The following FAT2 variants were observed in gnomAD, a reference collection of about 807,000 sequenced individuals.
FAT2 encodes the protein protocadherin Fat 2.
In FAT2, 150 loss-of-function variants were observed where a neutral mutation model predicts 295.3. That is an observed-to-expected ratio of 0.51 (90% CI 0.44 to 0.58). The LOEUF (loss-of-function observed/expected upper bound fraction) is 0.58, where lower values mean the gene tolerates loss of function less well. FAT2 is among the 20% of genes least tolerant of loss of function. FAT2 has a pLI of 0.00. For synonymous variants in FAT2, 2,026 were observed against 2,150.3 expected, an observed-to-expected ratio of 0.94 and a Z score of 1.60; for missense variants, 4,868 against 5,442.7, an observed-to-expected ratio of 0.89 and a Z score of 3.32.
At chr5:151,548,130 GT>G (rs1302652367) in intron 9 of FAT2, among the ~76,000 whole-genome samples, 2 of 152,046 alleles carry the variant, frequency 1.3e-5, no homozygotes, top group Non-Finnish European at 2.9e-5. Context: ...TATGGCAACT[GT>G]TTCTTCCAAA....
chr5:151,529,771 C>T (rs1754391573), intron 14 of FAT2, among the ~76,000 whole-genome samples: 2 of 152,208 alleles, frequency 1.3e-5, no homozygotes, highest in South Asian at 4.1e-4. Flanking sequence ...AGGCAAGTGA[C>T]TTGTCCAACC....
chr5:151,572,996 A>G (rs1758594567), intron 1 of FAT2, among the ~76,000 whole-genome samples: 1 of 152,250 alleles, frequency 6.6e-6, no homozygotes, highest in Non-Finnish European at 1.5e-5. Context: ...CATACTCAGT[A>G]GTCAATTTTT....
At chr5:151,538,261 G>A (rs1755693381) in intron 11 of FAT2, among the ~76,000 whole-genome samples, 1 of 152,238 alleles carries the variant, frequency 6.6e-6, no homozygotes, top group South Asian at 2.1e-4. Flanking sequence ...CCCACAGGCA[G>A]GGCTAGAAGG....
At position 151,544,201 on chromosome 5, in the gene FAT2, T is replaced by C; in HGVS notation, c.6926A>G (p.Tyr2309Cys). Reference sequence around the variant, plus strand: ...ATCTGAGCCATCCTCCACAATCTGATAAGAGACGTCACGGTTCCGCCCTGA... The same window carrying C: ...ATCTGAGCCATCCTCCACAATCTGACAAGAGACGTCACGGTTCCGCCCTGA... ...QDSGRNRDVSYQIVEDGSDVS... is the reference protein window; with the variant it reads ...QDSGRNRDVSCQIVEDGSDVS... Residue 2309 changes from tyrosine to cysteine, a missense_variant, in exon 10 of 24, where the codon TAT (tyrosine) becomes TGT (cysteine). This residue lies in a region of FAT2 where 3,297 missense variants were observed against 3,669.4 expected (regional missense o/e 0.90). Coordinates refer to ENST00000261800, the MANE Select transcript of FAT2 (RefSeq NM_001447.3). 1.2e-6 allele frequency: 2 copies of C among 1,614,176 alleles called. No individual in the cohort carries two copies. The highest frequency in any genetic ancestry group is 1.7e-6 in the Non-Finnish European group (2 of 1,180,032).
At position 151,554,806 on chromosome 5, in the gene FAT2, A is replaced by G. The variant is rs563436442; in HGVS notation, c.3634-133T>C. On this transcript the variant is annotated intron_variant, in intron 4 of 23. Coordinates refer to ENST00000261800, the MANE Select transcript of FAT2 (RefSeq NM_001447.3). ...ACTTTTTATTATCATAACTTCACCT[A>G]CTTGGAACTCAGCTCTCTGGCAACT... The G allele has an allele frequency of 2.4e-5, 17 of 721,206 alleles. No individual in the cohort carries two copies. In the South Asian group the frequency reaches 2.8e-4, roughly 12 times the overall value. The allele number at this position is 721,206 out of a possible 1,614,324, so 44.7% of individuals were successfully genotyped here.
At position 151,521,889 on chromosome 5, in the gene FAT2, CAGGCTAT is replaced by C; in HGVS notation, c.10697_10703del (p.Tyr3566TrpfsTer77). The C allele has an allele frequency of 6.2e-7, 1 of 1,614,106 alleles. No homozygotes were observed. Among genetic ancestry groups the C allele is most frequent in the South Asian group, 1.1e-5 (1 of 91,068 alleles). On this transcript the variant is annotated frameshift_variant, in exon 19 of 24. Coordinates refer to ENST00000261800, the MANE Select transcript of FAT2 (RefSeq NM_001447.3). LOFTEE classifies it high-confidence loss of function. ...GCCTGCCCAGGGTCTCCTCTTCTGC[CAGGCTAT>C]AGGTCAGCGTGTCCTGGGGGTCTCG...
chr5:151,549,543 T>C, intron 8 of FAT2, 38 bp from the exon 9 acceptor site: 1 of 1,591,246 alleles, frequency 6.3e-7, no homozygotes, highest in Non-Finnish European at 8.6e-7. Context: ...AAGCAGCAAA[T>C]GGAATAGGAG....
upstream of FAT2, among the ~76,000 whole-genome samples, chr5:151,591,840 T>C (rs538110184): frequency 2.0e-5 from 3 of 152,270 alleles, no homozygotes; most frequent in South Asian, 2.1e-4. Flanking sequence ...TCCTACCTCA[T>C]AAGGTTGTTA....
intron 4 of FAT2, among the ~76,000 whole-genome samples, chr5:151,555,795 C>T (rs1757640925): frequency 1.3e-5 from 2 of 152,160 alleles, no homozygotes; most frequent in Non-Finnish European, 1.5e-5. Flanking sequence ...TAGAAGAGAT[C>T]ATCAGTGAAG....
rs186091673 is a variant in FAT2 at position 151,562,635 on chromosome 5, A to T, written c.3574+690T>A. 3.2e-4 allele frequency among the ~76,000 whole-genome samples: 48 copies of T among 152,310 alleles called. No individual in the cohort carries two copies. The East Asian group carries it at 7.9e-3, about 25-fold the overall frequency. On this transcript the variant is annotated intron_variant, in intron 3 of 23. Coordinates refer to ENST00000261800, the MANE Select transcript of FAT2 (RefSeq NM_001447.3). ...ATGTGGCCAGATCCTTCCATTTTTA[A>T]AAAACAACCAGAAACCTGGAATGTT... is the stretch of plus-strand genomic sequence containing the variant.
At chr5:151,541,561 T>C (rs997077958) in intron 10 of FAT2, among the ~76,000 whole-genome samples, 9 of 151,964 alleles carry the variant, frequency 5.9e-5, no homozygotes, top group African/African-American at 1.9e-4. Flanking sequence ...TTCATGGGAA[T>C]GGGGGGACAT....
At chr5:151,549,133 G>T (rs529631826) in intron 9 of FAT2, among the ~76,000 whole-genome samples, 162 bp downstream of exon 9, 2 of 152,288 alleles carry the variant, frequency 1.3e-5, no homozygotes, top group East Asian at 3.9e-4. Context: ...ACCTTTGGAA[G>T]TGCATTAATT....
At chr5:151,507,749 A>T (rs563914806) in intron 22 of FAT2, 138 bp from the exon 23 acceptor site, 1 of 698,090 alleles carries the variant, frequency 1.4e-6, no homozygotes, top group South Asian at 1.9e-5. Context: ...AAAAGTAACT[A>T]TCAAGCATAT....
Position 151,567,069 on chromosome 5 carries a change from G to A in FAT2, c.1863C>T (p.Leu621=), listed in dbSNP as rs951981935. ...DLNHFSGVIS[L]KRPFINLTAG... is the part of the protein sequence containing the mutation. ...CAGTAAGATTGATAAAAGGGCGTTT[G>A]AGGGATATCACTCCGGAGAAATGAT... Residue 621 remains leucine, a synonymous_variant, in exon 2 of 24, where the codon CTC becomes CTT. Coordinates refer to ENST00000261800, the MANE Select transcript of FAT2 (RefSeq NM_001447.3). 63 of 1,614,044 alleles carry A rather than the reference G, an allele frequency of 3.9e-5. No individual in the cohort carries two copies. The highest frequency in any genetic ancestry group is 5.2e-5 in the Non-Finnish European group (61 of 1,180,000).
In FAT2 at chr5:151,536,025, A is replaced by G. The variant is rs76336996; in HGVS notation, c.9194-1383T>C. 3.8e-3 allele frequency among the ~76,000 whole-genome samples: 572 copies of G among 152,332 alleles called. 4 individuals are homozygous for G. The highest frequency in any genetic ancestry group is 0.013 in the African/African-American group (555 of 41,572). On this transcript the variant is annotated intron_variant, in intron 12 of 23. Transcript: ENST00000261800. ...ACTGCTGAGTGAAGAAAAGCAAGTT[A>G]CAAATAGTATTCTACTTTCATGAAG...
At chr5:151,571,975 G>A (rs796609518) in intron 1 of FAT2, among the ~76,000 whole-genome samples, 14 of 152,234 alleles carry the variant, frequency 9.2e-5, no homozygotes, top group African/African-American at 2.9e-4. Flanking sequence ...GACCTGCCTC[G>A]GGGCCTTTGC....
rs1756462734 is a variant in FAT2, at chr5:151,544,770, G to A, written c.6357C>T (p.Asp2119=). ...FAEDYTYFRI[D]PYLGDISLKK... ...TGAGTGATATGTCCCCAAGATAGGG[G>A]TCAATTCGGAAATATGTGTAATCTT... The change falls in exon 10 of 24, where the codon GAC becomes GAT. Residue 2119 remains aspartate (D), a synonymous_variant. Coordinates refer to ENST00000261800, the MANE Select transcript of FAT2 (RefSeq NM_001447.3). The A allele has an allele frequency of 6.2e-7, 1 of 1,614,118 alleles. No individual in the cohort carries two copies. Among genetic ancestry groups the A allele is most frequent in the African/African-American group, 1.3e-5 (1 of 75,018 alleles).
chr5:151,544,975 A>G lies in FAT2; in HGVS notation c.6152T>C (p.Val2051Ala). The G allele has an allele frequency of 1.9e-6, 3 of 1,614,104 alleles. No homozygotes were observed. Among genetic ancestry groups the G allele is most frequent in the Non-Finnish European group, 2.5e-6 (3 of 1,180,022 alleles). The change falls in exon 10 of 24, where the codon GTG becomes GCG. Residue 2051 changes from valine (V) to alanine (A), a missense_variant. Val to Ala is a moderately conservative substitution (Grantham distance 64, BLOSUM62 0). This residue lies in a region of FAT2 where 3,297 missense variants were observed against 3,669.4 expected (regional missense o/e 0.90). Transcript: ENST00000261800. Reference sequence around the variant, plus strand: ...AGAGACTCTGACCAAACCCTGAGCCACCCGCTGAGGTGTCCGATTGTCCCT... The same window carrying G: ...AGAGACTCTGACCAAACCCTGAGCCGCCCGCTGAGGTGTCCGATTGTCCCT... The part of the protein sequence containing the change: ...EVRDNRTPQR[V>A]AQGLVRVSIE...
At chr5:151,523,944 G>A (rs779548593) in intron 18 of FAT2, among the ~76,000 whole-genome samples, 2 of 152,038 alleles carry the variant, frequency 1.3e-5, no homozygotes, top group Non-Finnish European at 1.5e-5. Flanking sequence ...CCCCTGAATC[G>A]TCTCTGTTCT....
Sources: gnomAD v4.1 joint callset for allele counts (sites outside exome capture counted in the v4.1 genomes callset) on GRCh38, gnomAD v4.1.1 for gene constraint, gnomAD v4.1.1 regional missense constraint, MANE v1.5 for transcripts, NCBI Gene and HGNC (gene_info 2026-07-23, HGNC 2026-07-21) for gene names.